Variants in SEMA5A observed in about 807,000 individuals in gnomAD.
SEMA5A encodes semaphorin 5A.
SEMA5A carries 55 observed loss-of-function variants against 135.5 expected under a neutral mutation model. That is an observed-to-expected ratio of 0.41 (90% CI 0.33 to 0.51). The LOEUF is 0.51. SEMA5A is among the 20% of genes least tolerant of loss of function. SEMA5A has a pLI of 0.37. For synonymous variants in SEMA5A, 580 were observed against 546.5 expected, an observed-to-expected ratio of 1.06 and a Z score of -0.85; for missense variants, 1,290 against 1,419.9, an observed-to-expected ratio of 0.91 and a Z score of 1.47.
chr5:9,154,498 G>A lies in SEMA5A; in HGVS notation c.1471C>T (p.Arg491Cys), dbSNP rs201297356. The A allele has an allele frequency of 2.8e-5, 45 of 1,611,760 alleles. No individual in the cohort carries two copies. The highest frequency in any genetic ancestry group is 2.0e-4 in the East Asian group (9 of 44,812). The stretch of plus-strand genomic sequence containing the variant: ...CCGGAGATGCCCTACCTGCGTGTGC[G>A]GTAGAACTGGCACCTCTTCAGGGGG... Reference protein sequence around the residue: ...KIPLKRCQFYRTRSTCIGAQD... With the variant: ...KIPLKRCQFYCTRSTCIGAQD... Residue 491 changes from arginine (R) to cysteine (C), a missense_variant, in exon 12 of 23, where the codon CGC becomes TGC. Transcript: ENST00000382496.
At chr5:9,230,565 C>T (rs42351) in intron 6 of SEMA5A, among the ~76,000 whole-genome samples, 3 of 152,082 alleles carry the variant, frequency 2.0e-5, no homozygotes, top group Admixed American at 1.3e-4. Flanking sequence ...CTATTATTGG[C>T]GATGAGCCAC....
chr5:9,321,694 G>A (rs1752633358), intron 4 of SEMA5A, among the ~76,000 whole-genome samples: 1 of 152,104 alleles, frequency 6.6e-6, no homozygotes, highest in Non-Finnish European at 1.5e-5. Flanking sequence ...CATTGGTCCT[G>A]GAATCCAGTC....
intron 3 of SEMA5A, among the ~76,000 whole-genome samples, chr5:9,346,892 A>ATGTG (rs3086551): frequency 0.011 from 1,697 of 149,430 alleles, 32 homozygotes; most frequent in African/African-American, 0.039. Flanking sequence ...GTATATATAT[A>ATGTG]TGTGTGTGTG....
chr5:9,332,206 T>C (rs1375104142), intron 4 of SEMA5A, among the ~76,000 whole-genome samples: 2 of 151,918 alleles, frequency 1.3e-5, no homozygotes, highest in Admixed American at 6.5e-5. Flanking sequence ...CATGCAGCTC[T>C]GGGCTGGTAC....
chr5:9,081,944 T>C (rs374546508), intron 16 of SEMA5A, among the ~76,000 whole-genome samples: 40 of 152,286 alleles, frequency 2.6e-4, no homozygotes, highest in African/African-American at 9.6e-4. Context: ...AGGGTACTAA[T>C]GAGTGCTACA....
chr5:9,297,873 C>T (rs981731490), intron 5 of SEMA5A, among the ~76,000 whole-genome samples: 2 of 152,082 alleles, frequency 1.3e-5, no homozygotes, highest in Admixed American at 6.6e-5. Flanking sequence ...TGTGAACCAC[C>T]ATGCCTGGCC....
intron 16 of SEMA5A, among the ~76,000 whole-genome samples, chr5:9,104,964 C>T (rs765190019): frequency 2.0e-5 from 3 of 152,204 alleles, no homozygotes; most frequent in Non-Finnish European, 4.4e-5. Context: ...ACATGTGCCC[C>T]AGGGTCCAGA....
intron 5 of SEMA5A, among the ~76,000 whole-genome samples, chr5:9,291,577 A>C (rs1229927010): frequency 1.3e-5 from 2 of 149,360 alleles, no homozygotes; most frequent in Admixed American, 1.3e-4. Flanking sequence ...AGGAGGATGT[A>C]GAAGCAGGAA....
intron 5 of SEMA5A, among the ~76,000 whole-genome samples, chr5:9,291,021 C>T (rs924390026): frequency 6.6e-6 from 1 of 152,194 alleles, no homozygotes; most frequent in Non-Finnish European, 1.5e-5. Flanking sequence ...CATCAACTTA[C>T]ATTTTAATAT....
chr5:9,149,728 G>C (rs924230161), intron 12 of SEMA5A, among the ~76,000 whole-genome samples: 15 of 152,188 alleles, frequency 9.9e-5, no homozygotes, highest in African/African-American at 3.6e-4. Flanking sequence ...TCTTAGCCTT[G>C]AAGAGGTACA....
chr5:9,419,446 A>G (rs2126627555), intron 2 of SEMA5A, among the ~76,000 whole-genome samples: 1 of 152,340 alleles, frequency 6.6e-6, no homozygotes, highest in East Asian at 1.9e-4. Context: ...AGGGCAGTGC[A>G]AAGTCATGTT....
chr5:9,482,866 T>G (rs772427197), intron 1 of SEMA5A, among the ~76,000 whole-genome samples: 3 of 152,224 alleles, frequency 2.0e-5, no homozygotes, highest in Non-Finnish European at 4.4e-5. Context: ...AGCTGGACTT[T>G]CCTGATCATT....
chr5:9,088,659 T>TATATATATACACACACAC, intron 16 of SEMA5A, among the ~76,000 whole-genome samples: 8 of 112,854 alleles, frequency 7.1e-5, no homozygotes, highest in African/African-American at 3.4e-4. Context: ...TATATATATA[T>TATATATATACACACACAC]ACACACACAC....
intron 3 of SEMA5A, among the ~76,000 whole-genome samples, chr5:9,379,546 A>T (rs954210555): frequency 4.6e-5 from 7 of 152,194 alleles, no homozygotes; most frequent in African/African-American, 1.7e-4. Context: ...AACACTTAGG[A>T]GGCCCACAGT....
intron 4 of SEMA5A, among the ~76,000 whole-genome samples, chr5:9,332,772 T>A (rs1476305886): frequency 6.6e-6 from 1 of 152,264 alleles, no homozygotes; most frequent in Non-Finnish European, 1.5e-5. Flanking sequence ...CCTTGGTGAC[T>A]TAATGTTCTC....
chr5:9,188,462 C>T (rs775569620), intron 11 of SEMA5A, among the ~76,000 whole-genome samples: 4 of 152,140 alleles, frequency 2.6e-5, no homozygotes, highest in Admixed American at 6.5e-5. Context: ...CTTGGACTTA[C>T]GTGGGGAGTA....
intron 17 of SEMA5A, among the ~76,000 whole-genome samples, chr5:9,065,259 C>T (rs1194703430): frequency 6.6e-6 from 1 of 152,148 alleles, no homozygotes; most frequent in Non-Finnish European, 1.5e-5. Context: ...GCTGGGCCTC[C>T]AGGCATCCAG....
intron 13 of SEMA5A, among the ~76,000 whole-genome samples, chr5:9,125,465 G>T (rs1447165061): frequency 6.6e-6 from 1 of 152,210 alleles, no homozygotes; most frequent in East Asian, 1.9e-4. Flanking sequence ...ACATGCATTA[G>T]GTATTTGTCC....
In SEMA5A at chr5:9,204,381, G is replaced by T. The variant is rs888073524; in HGVS notation, c.647-2141C>A. Among the ~76,000 whole-genome samples the T allele has an allele frequency of 1.3e-5, 2 of 152,124 alleles. No individual in the cohort carries two copies. Among genetic ancestry groups the T allele is most frequent in the African/African-American group, 4.8e-5 (2 of 41,420 alleles). The stretch of plus-strand genomic sequence containing the variant: ...TCTGCTATTAACTTGGGGACAAATG[G>T]CATGAAAACCACATAGTAAATAGCT... On this transcript the variant is annotated intron_variant, in intron 8 of 22. Transcript: ENST00000382496. This position sits in a 1 kb window ranked among gnomAD's most constrained non-coding sequence, Gnocchi z 6.4.
Sources: gnomAD v4.1 joint callset for allele counts (sites outside exome capture counted in the v4.1 genomes callset) on GRCh38, gnomAD v4.1.1 for gene constraint, Gnocchi (gnomAD v3.1) non-coding constraint, MANE v1.5 for transcripts, NCBI Gene and HGNC (gene_info 2026-07-23, HGNC 2026-07-21) for gene names.